The following AKAP6 variants were observed in gnomAD, a reference collection of about 807,000 sequenced individuals.
AKAP6 encodes A-kinase anchor protein 6.
A neutral mutation model predicts 188.5 loss-of-function variants in AKAP6; 58 were observed. The ratio of observed to expected loss-of-function variants is 0.31; its 90% CI spans 0.25 to 0.38. AKAP6 has a LOEUF of 0.38. Among genes scored for constraint, AKAP6 ranks in the 10% least tolerant of loss-of-function variants. The pLI is 1.00. For missense variants in AKAP6, 2,710 were observed against 2,740.0 expected (o/e 0.99, Z 0.24); for synonymous variants, 989 against 998.6 (o/e 0.99, Z 0.18).
At chr14:32,381,380 A>C (rs1360480179) in intron 1 of AKAP6, among the ~76,000 whole-genome samples, 1 of 152,266 alleles carries the variant, frequency 6.6e-6, no homozygotes, top group African/African-American at 2.4e-5. Context: ...TATGATATTT[A>C]TGGAGATATT....
intron 1 of AKAP6, among the ~76,000 whole-genome samples, chr14:32,373,058 T>C (rs1251529637): frequency 6.6e-6 from 1 of 151,676 alleles, no homozygotes; most frequent in Non-Finnish European, 1.5e-5. Context: ...GTTCTAGCTC[T>C]TTATAATATA....
chr14:32,504,251 T>C (rs72667930), intron 2 of AKAP6, among the ~76,000 whole-genome samples: 2,720 of 152,224 alleles, frequency 0.018, 33 homozygotes, highest in Non-Finnish European at 0.026. Flanking sequence ...TTTATTACTA[T>C]TGATTTTCAG....
intron 12 of AKAP6, among the ~76,000 whole-genome samples, chr14:32,803,292 CAA>C (rs756664524): frequency 8.6e-4 from 94 of 109,628 alleles, no homozygotes; most frequent in Non-Finnish European, 1.9e-3. Context: ...AAAAAAAAAA[CAA>C]AACAAATATT....
intron 11 of AKAP6, among the ~76,000 whole-genome samples, chr14:32,759,889 A>T (rs1292179400): frequency 6.6e-6 from 1 of 152,192 alleles, no homozygotes; most frequent in Non-Finnish European, 1.5e-5. Flanking sequence ...ACACTTCAAC[A>T]TGAGATTTGG....
chr14:32,750,791 G>A (rs1392443450), intron 11 of AKAP6, among the ~76,000 whole-genome samples: 1 of 144,414 alleles, frequency 6.9e-6, no homozygotes, highest in African/African-American at 2.6e-5. Flanking sequence ...CACCCACGCT[G>A]GAGTGCAGTG....
intron 7 of AKAP6, among the ~76,000 whole-genome samples, chr14:32,603,055 T>C (rs903390345): frequency 1.3e-5 from 2 of 152,066 alleles, no homozygotes; most frequent in African/African-American, 2.4e-5. Context: ...TCACAAGAGG[T>C]TGGGCCAGGA....
intron 2 of AKAP6, among the ~76,000 whole-genome samples, chr14:32,473,151 CAA>C (rs1269026731): frequency 6.6e-6 from 1 of 152,186 alleles, no homozygotes; most frequent in Admixed American, 6.5e-5. Context: ...TTTCTTATCA[CAA>C]GTTTTGAAGC....
chr14:32,446,571 AATG>A (rs1409209103), intron 2 of AKAP6, among the ~76,000 whole-genome samples: 2 of 151,416 alleles, frequency 1.3e-5, no homozygotes, highest in African/African-American at 2.4e-5. Flanking sequence ...ATTGTTAGAA[AATG>A]ATAAGTTTTC....
At chr14:32,388,734 A>G (rs890484654) in intron 1 of AKAP6, among the ~76,000 whole-genome samples, 2 of 151,918 alleles carry the variant, frequency 1.3e-5, no homozygotes, top group Non-Finnish European at 2.9e-5. Context: ...TATAATTTCA[A>G]TTTTATTAAA....
chr14:32,633,528 CTGG>C (rs1887361369), intron 7 of AKAP6, among the ~76,000 whole-genome samples: 1 of 152,060 alleles, frequency 6.6e-6, no homozygotes, highest in Non-Finnish European at 1.5e-5. Context: ...TTTAGCTTGG[CTGG>C]TATGAGCTTT....
intron 2 of AKAP6, among the ~76,000 whole-genome samples, chr14:32,469,324 C>G (rs566066333): frequency 6.6e-6 from 1 of 152,200 alleles, no homozygotes; most frequent in South Asian, 2.1e-4. Flanking sequence ...CACTAGCATT[C>G]CCCCAAGTAA....
At chr14:32,603,298 A>G (rs1266524825) in intron 7 of AKAP6, among the ~76,000 whole-genome samples, 2 of 152,120 alleles carry the variant, frequency 1.3e-5, no homozygotes, top group African/African-American at 4.8e-5. Context: ...GGGTGGGAGT[A>G]TGCCGAAGTG....
At chr14:32,803,297 CA>C (rs2034003707) in intron 12 of AKAP6, among the ~76,000 whole-genome samples, 1 of 142,048 alleles carries the variant, frequency 7.0e-6, no homozygotes, top group Admixed American at 6.9e-5. Context: ...AAAAACAAAA[CA>C]AATATTTTTG....
chr14:32,788,330 T>C (rs544979088), intron 12 of AKAP6, among the ~76,000 whole-genome samples: 6 of 152,280 alleles, frequency 3.9e-5, no homozygotes, highest in African/African-American at 1.4e-4. Flanking sequence ...GAGATAACAA[T>C]GATAAACTAT....
intron 1 of AKAP6, among the ~76,000 whole-genome samples, chr14:32,347,776 A>G (rs567650957): frequency 6.6e-6 from 1 of 152,324 alleles, no homozygotes; most frequent in South Asian, 2.1e-4. Flanking sequence ...GCCACTTTTT[A>G]AAAAGCCTAA....
chr14:32,377,137 G>T (rs1015101826), intron 1 of AKAP6, among the ~76,000 whole-genome samples: 1 of 152,198 alleles, frequency 6.6e-6, no homozygotes, highest in African/African-American at 2.4e-5. Flanking sequence ...TTCCTAAGTG[G>T]TTCTGGTCTT....
At chr14:32,483,007 A>ATGTGTCTGTGTG (rs796833606) in intron 2 of AKAP6, among the ~76,000 whole-genome samples, 1 of 147,598 alleles carries the variant, frequency 6.8e-6, no homozygotes. Flanking sequence ...ATATATATAT[A>ATGTGTCTGTGTG]TATATGTATC....
chr14:32,822,937 G>A lies in AKAP6; in HGVS notation c.5124G>A (p.Lys1708=), dbSNP rs946282224. The A allele has an allele frequency of 1.9e-6, 3 of 1,613,902 alleles. No homozygotes were observed. Among genetic ancestry groups the A allele is most frequent in the Non-Finnish European group, 2.5e-6 (3 of 1,179,914 alleles). ...SLCSEDIVLH[K]NKIPESNASF... The stretch of plus-strand genomic sequence containing the variant: ...GCTCAGAGGATATTGTGTTACACAA[G>A]AACAAGATCCCGGAATCGAATGCAT... Residue 1708 remains lysine (K), a synonymous_variant, in exon 13 of 14, where the codon AAG becomes AAA. Coordinates refer to ENST00000280979, the MANE Select transcript of AKAP6 (RefSeq NM_004274.5).
chr14:32,463,066 A>G (rs111624766), intron 2 of AKAP6, among the ~76,000 whole-genome samples: 2,007 of 151,968 alleles, frequency 0.013, 47 homozygotes, highest in African/African-American at 0.046. Flanking sequence ...CTAAACATAT[A>G]TGCACCCAAT....
Sources: allele counts gnomAD v4.1 joint callset (sites outside exome capture counted in the v4.1 genomes callset), GRCh38; gene constraint gnomAD v4.1.1; transcripts MANE v1.5; gene names NCBI Gene and HGNC (gene_info 2026-07-23, HGNC 2026-07-21).